The following HYCC1 variants were observed in gnomAD, a reference collection of about 807,000 sequenced individuals.
HYCC1 encodes hyccin PI4KA lipid kinase complex subunit 1, also known as hyccin.
chr7:22,952,515 T>C, the HYCC1 span, among the ~76,000 whole-genome samples: 1 of 151,966 alleles, frequency 6.6e-6, no homozygotes, highest in Non-Finnish European at 1.5e-5. Flanking sequence ...GAGAGTGGTC[T>C]TAAAGTGAGG....
the HYCC1 span, chr7:22,978,371 T>C: frequency 5.6e-6 from 9 of 1,613,980 alleles, no homozygotes; most frequent in South Asian, 3.3e-5. Flanking sequence ...CTGGGAGAAA[T>C]TGCAGCGTAA....
the HYCC1 span, among the ~76,000 whole-genome samples, chr7:22,897,613 G>A: frequency 6.6e-6 from 1 of 152,062 alleles, no homozygotes; most frequent in South Asian, 2.1e-4. Flanking sequence ...AACAGTGTTA[G>A]CATTCTTTTG....
chr7:22,953,468 A>G, the HYCC1 span, among the ~76,000 whole-genome samples: 2 of 151,882 alleles, frequency 1.3e-5, no homozygotes, highest in African/African-American at 2.4e-5. Flanking sequence ...TGAGACCAAT[A>G]ATTCTGTCTC....
chr7:22,912,774 T>C, the HYCC1 span, among the ~76,000 whole-genome samples: 1 of 152,150 alleles, frequency 6.6e-6, no homozygotes, highest in Non-Finnish European at 1.5e-5. Flanking sequence ...TTTTCTTAAT[T>C]AAGAGCACCA....
At chr7:22,960,279 C>T in the HYCC1 span, 199 of 1,613,762 alleles carry the variant, frequency 1.2e-4, no homozygotes, top group Non-Finnish European at 1.5e-4. Context: ...CCTATGACCC[C>T]TTATTGACAT....
At chr7:22,928,032 T>C in the HYCC1 span, among the ~76,000 whole-genome samples, 1 of 152,230 alleles carries the variant, frequency 6.6e-6, no homozygotes, top group Middle Eastern at 3.4e-3. Flanking sequence ...TGGTTCAATA[T>C]ACGAAAATCA....
At chr7:22,952,567 T>C in the HYCC1 span, among the ~76,000 whole-genome samples, 2 of 151,984 alleles carry the variant, frequency 1.3e-5, no homozygotes, top group Non-Finnish European at 2.9e-5. Context: ...GGATCACATA[T>C]GCCATAGCAC....
chr7:22,923,850 G>A, the HYCC1 span, among the ~76,000 whole-genome samples: 68 of 151,972 alleles, frequency 4.5e-4, no homozygotes, highest in Non-Finnish European at 7.9e-4. Context: ...ACAAACTACC[G>A]AAAATGATTT....
the HYCC1 span, chr7:22,939,329 TC>T: frequency 6.6e-6 from 1 of 152,178 alleles, no homozygotes; most frequent in African/African-American, 2.4e-5. Flanking sequence ...GTCTGATAGA[TC>T]CTGTTGAACT....
the HYCC1 span, among the ~76,000 whole-genome samples, chr7:23,005,244 G>A: frequency 2.6e-5 from 4 of 152,054 alleles, no homozygotes; most frequent in Non-Finnish European, 5.9e-5. Flanking sequence ...CAAAAAACCC[G>A]GGCCAATTTT....
At chr7:22,917,992 T>C in the HYCC1 span, among the ~76,000 whole-genome samples, 1 of 152,188 alleles carries the variant, frequency 6.6e-6, no homozygotes, top group South Asian at 2.1e-4. Context: ...TGGCTTTGCA[T>C]TTCTCTTTCC....
chr7:22,995,648 C>A, the HYCC1 span, among the ~76,000 whole-genome samples: 1 of 133,700 alleles, frequency 7.5e-6, no homozygotes, highest in African/African-American at 2.8e-5. Context: ...TGAGGCCATA[C>A]TCATATAAAT....
the HYCC1 span, among the ~76,000 whole-genome samples, chr7:22,923,520 T>C: frequency 0.25 from 37,242 of 150,988 alleles, 4,761 homozygotes; most frequent in East Asian, 0.48. Flanking sequence ...AGAACGAAAC[T>C]CAAAGCAAGA....
At chr7:22,997,323 A>G in the HYCC1 span, among the ~76,000 whole-genome samples, 1 of 152,176 alleles carries the variant, frequency 6.6e-6, no homozygotes, top group East Asian at 1.9e-4. Context: ...TTCACCATTA[A>G]GCACTAACGA....
the HYCC1 span, among the ~76,000 whole-genome samples, chr7:22,933,139 C>A: frequency 1.3e-5 from 2 of 152,140 alleles, no homozygotes; most frequent in African/African-American, 2.4e-5. Context: ...AGAATAAATT[C>A]TCTTGTATTA....
chr7:22,927,680 G>A, the HYCC1 span, among the ~76,000 whole-genome samples: 1 of 152,302 alleles, frequency 6.6e-6, no homozygotes, highest in South Asian at 2.1e-4. Context: ...CTCTGAAATT[G>A]AGGCAATAAT....
the HYCC1 span, among the ~76,000 whole-genome samples, chr7:22,987,367 G>A: frequency 6.6e-6 from 1 of 152,142 alleles, no homozygotes; most frequent in African/African-American, 2.4e-5. Flanking sequence ...CGCTAACACG[G>A]CAAGACCCCA....
chr7:23,008,052 G>A, the HYCC1 span, among the ~76,000 whole-genome samples: 1 of 152,056 alleles, frequency 6.6e-6, no homozygotes, highest in Non-Finnish European at 1.5e-5. Flanking sequence ...TATTATTCTA[G>A]AAGTTCTGAT....
chr7:23,002,817 T>G, the HYCC1 span, among the ~76,000 whole-genome samples: 3 of 152,106 alleles, frequency 2.0e-5, no homozygotes, highest in Non-Finnish European at 4.4e-5. Context: ...CAACAGAAAT[T>G]TATTTTCTCA....
Sources: gnomAD v4.1 joint callset for allele counts (sites outside exome capture counted in the v4.1 genomes callset) on GRCh38, gnomAD v4.1.1 for gene constraint, MANE v1.5 for transcripts, NCBI Gene and HGNC (gene_info 2026-07-23, HGNC 2026-07-21) for gene names.